The following FRRS1L variants were observed in gnomAD, a reference collection of about 807,000 sequenced individuals.
FRRS1L encodes the protein ferric chelate reductase 1 like.
Under a neutral mutation model 28.6 loss-of-function variants are expected in FRRS1L, and 22 were observed. The observed-to-expected ratio is 0.77, with a 90% CI of 0.55 to 1.10. The LOEUF (loss-of-function observed/expected upper bound fraction) is 1.10. Among genes scored for constraint, FRRS1L ranks in the 50% least tolerant of loss-of-function variants. The probability of loss-of-function intolerance (pLI) is 0.00; values close to 1 mark genes in which losing one functional copy is unlikely to be tolerated. For missense variants in FRRS1L, 380 were observed against 386.9 expected, an observed-to-expected ratio of 0.98 and a Z score of 0.15; for synonymous variants, 158 against 151.4, an observed-to-expected ratio of 1.04 and a Z score of -0.32.
rs1224885487 is a variant in FRRS1L, at chr9:109,131,675, T to G, written c.*5780A>C. The G allele has an allele frequency of 6.6e-6, 1 of 152,250 alleles. No homozygotes were observed. The highest frequency in any genetic ancestry group is 1.5e-5 in the Non-Finnish European group (1 of 68,038). 9.4% of individuals were successfully genotyped at this position (152,250 alleles called of 1,614,324 possible). ...GGAATGTATCAAATGTATATCACTT[T>G]CATATCATCGTAAGTTTGAAAACTC... On this transcript the variant is annotated 3_prime_UTR_variant, in exon 5 of 5. Transcript: ENST00000561981.
chr9:109,138,578 G>C (rs1831143186), intron 4 of FRRS1L: 1 of 152,206 alleles, frequency 6.6e-6, no homozygotes, highest in Non-Finnish European at 1.5e-5. Context: ...AACTTCTCAG[G>C]TTTGTATGCC....
intron 1 of FRRS1L, among the ~76,000 whole-genome samples, chr9:109,156,463 A>C (rs912417607): frequency 6.7e-6 from 1 of 150,020 alleles, no homozygotes; most frequent in African/African-American, 2.5e-5. Context: ...ATCTCGCCTC[A>C]CTGCAACCTC....
intron 1 of FRRS1L, among the ~76,000 whole-genome samples, chr9:109,155,017 G>T (rs958232515): frequency 2.6e-5 from 4 of 152,162 alleles, no homozygotes; most frequent in African/African-American, 7.2e-5. Flanking sequence ...TTACCAAACT[G>T]CCTTCAGCAG....
intron 3 of FRRS1L, among the ~76,000 whole-genome samples, chr9:109,146,565 G>C (rs557215297): frequency 6.6e-6 from 1 of 152,170 alleles, no homozygotes; most frequent in South Asian, 2.1e-4. Context: ...GTGAGAATAT[G>C]AGTAGAGACG....
Position 109,137,367 on chromosome 9 carries a change from A to T in FRRS1L, c.*88T>A. On this transcript the variant is annotated 3_prime_UTR_variant, in exon 5 of 5. Transcript: ENST00000561981. ...GAGGTTTTTTTTCTTAAATAATTGA[A>T]GCTAAAATTATACTGGATATTCTTT... is the stretch of plus-strand genomic sequence containing the variant. 1.3e-6 allele frequency: 1 copy of T among 795,524 alleles called. No individual in the cohort carries two copies. Among genetic ancestry groups the T allele is most frequent in the Non-Finnish European group, 1.8e-6 (1 of 551,698 alleles). The allele number at this position is 795,524 out of a possible 1,614,324, so 49.3% of individuals were successfully genotyped here.
intron 1 of FRRS1L, 68 bp from the exon 2 acceptor site, chr9:109,149,788 A>G: frequency 9.3e-7 from 1 of 1,077,284 alleles, no homozygotes; most frequent in South Asian, 1.4e-5. Flanking sequence ...ATTTTTAAAA[A>G]TGTGTTGACT....
chr9:109,144,561 C>G (rs914378818), intron 3 of FRRS1L, among the ~76,000 whole-genome samples: 11 of 152,022 alleles, frequency 7.2e-5, no homozygotes, highest in African/African-American at 2.4e-4. Context: ...GACAGGGTTT[C>G]ACCATGTTGG....
At chr9:109,158,021 G>A (rs978526341) in intron 1 of FRRS1L, among the ~76,000 whole-genome samples, 11 of 152,138 alleles carry the variant, frequency 7.2e-5, no homozygotes, top group Non-Finnish European at 1.6e-4. Flanking sequence ...ATAAGGTTAT[G>A]TTATCCTCAT....
In FRRS1L at chr9:109,133,777, G is replaced by A. The variant is rs557473261; in HGVS notation, c.*3678C>T. The A allele has an allele frequency of 1.3e-5, 2 of 152,268 alleles. No homozygotes were observed. Among genetic ancestry groups the A allele is most frequent in the African/African-American group, 2.4e-5 (1 of 41,550 alleles). The allele number at this position is 152,268 out of a possible 1,614,324, so 9.4% of individuals were successfully genotyped here. A position where few individuals can be genotyped will look rare whatever the true frequency, so the allele number is the denominator to read the frequency against. ...ACTAGCATTATTATTAATCTATTCA[G>A]GTACTTTACGAAAAACACTGGTTGG... On this transcript the variant is annotated 3_prime_UTR_variant, in exon 5 of 5. Transcript: ENST00000561981.
Position 109,135,186 on chromosome 9 carries a change from T to C in FRRS1L, c.*2269A>G, listed in dbSNP as rs1831098116. On this transcript the variant is annotated 3_prime_UTR_variant, in exon 5 of 5. Coordinates refer to ENST00000561981, the MANE Select transcript of FRRS1L (RefSeq NM_014334.4). ...TGAATCTGGAGGGTGGTATTAGAAA[T>C]CACAATCACCAGTGTTGCTCAATCA... is the stretch of plus-strand genomic sequence containing the variant. The C allele has an allele frequency of 6.6e-6, 1 of 152,100 alleles. No homozygotes were observed. Among genetic ancestry groups the C allele is most frequent in the Non-Finnish European group, 1.5e-5 (1 of 68,014 alleles). 9.4% of individuals were successfully genotyped at this position (152,100 alleles called of 1,614,324 possible).
In FRRS1L at chr9:109,161,582, G is replaced by T. The variant is rs1831481426; in HGVS notation, c.238+5319C>A. ...GGTTGATTTTTTAGGTTCTCAATTGGGCTTTGTGGTTTCCATTCTTGTCTA... is the reference window on the plus strand; with the variant it reads ...GGTTGATTTTTTAGGTTCTCAATTGTGCTTTGTGGTTTCCATTCTTGTCTA... On this transcript the variant is annotated intron_variant, in intron 1 of 4. Transcript: ENST00000561981. 1.3e-5 allele frequency among the ~76,000 whole-genome samples: 2 copies of T among 151,982 alleles called. 1 individual carries two copies. The highest frequency in any genetic ancestry group is 2.9e-5 in the Non-Finnish European group (2 of 68,000).
chr9:109,138,771 G>C (rs920305546), intron 4 of FRRS1L: 2 of 152,390 alleles, frequency 1.3e-5, no homozygotes, highest in African/African-American at 4.8e-5. Flanking sequence ...TGCAAGGGCT[G>C]CTCAACTTAA....
intron 3 of FRRS1L, among the ~76,000 whole-genome samples, chr9:109,142,907 A>C (rs1023238275): frequency 6.6e-6 from 1 of 152,358 alleles, no homozygotes; most frequent in African/African-American, 2.4e-5. Flanking sequence ...TATTTTGTTA[A>C]TCTAAGTAGC....
At chr9:109,146,237 TA>T (rs1469543624) in intron 3 of FRRS1L, among the ~76,000 whole-genome samples, 1 of 151,926 alleles carries the variant, frequency 6.6e-6, no homozygotes, top group East Asian at 1.9e-4. Context: ...AATAAATAAA[TA>T]AATAAATGAG....
chr9:109,156,591 A>G (rs1049461434), intron 1 of FRRS1L, among the ~76,000 whole-genome samples: 6 of 150,152 alleles, frequency 4.0e-5, no homozygotes, highest in Non-Finnish European at 8.9e-5. Flanking sequence ...GGGTTTCACC[A>G]TGTTAGCCAG....
At chr9:109,142,587 G>A (rs1831201319) in intron 3 of FRRS1L, among the ~76,000 whole-genome samples, 1 of 152,140 alleles carries the variant, frequency 6.6e-6, no homozygotes, top group Non-Finnish European at 1.5e-5. Context: ...GTCAAGACAG[G>A]AGGATCATTT....
chr9:109,155,678 T>C (rs1831394844), intron 1 of FRRS1L, among the ~76,000 whole-genome samples: 1 of 134,870 alleles, frequency 7.4e-6, no homozygotes, highest in Non-Finnish European at 1.5e-5. Context: ...CACTCCAGCC[T>C]GGGCGACAGA....
intron 1 of FRRS1L, among the ~76,000 whole-genome samples, chr9:109,158,077 T>G (rs1057225723): frequency 2.0e-5 from 3 of 152,194 alleles, no homozygotes; most frequent in Admixed American, 6.5e-5. Context: ...TTTGAAATAA[T>G]GTGTTTAAGG....
At chr9:109,162,708 C>G (rs1230754879) in intron 1 of FRRS1L, among the ~76,000 whole-genome samples, 2 of 152,120 alleles carry the variant, frequency 1.3e-5, no homozygotes, top group African/African-American at 2.4e-5. Context: ...AAATTGTTAC[C>G]CTTAAAGGAC....
Sources: gnomAD v4.1 joint callset for allele counts (sites outside exome capture counted in the v4.1 genomes callset) on GRCh38, gnomAD v4.1.1 for gene constraint, MANE v1.5 for transcripts, NCBI Gene and HGNC (gene_info 2026-07-23, HGNC 2026-07-21) for gene names.